Variants in HERC3 observed in about 807,000 individuals in gnomAD.
HERC3 encodes HECT and RLD domain containing E3 ubiquitin protein ligase 3.
A neutral mutation model predicts 129.9 loss-of-function variants in HERC3; 58 were observed. That is an observed-to-expected ratio of 0.45 (90% CI 0.36 to 0.56). The LOEUF is 0.56. Ranked by LOEUF, HERC3 falls within the 20% of genes least tolerant of loss-of-function variation. The pLI, the probability that HERC3 is intolerant of heterozygous loss-of-function variation, is 0.00. For synonymous variants in HERC3, 430 were observed against 451.0 expected (o/e 0.95, Z 0.59); for missense variants, 835 against 1,244.2 (o/e 0.67, Z 4.95).
intron 23 of HERC3, among the ~76,000 whole-genome samples, chr4:88,688,373 G>C (rs2149327713): frequency 6.6e-6 from 1 of 152,226 alleles, no homozygotes; most frequent in East Asian, 1.9e-4. Flanking sequence ...AGATTACTTT[G>C]GGGGTCCTGT....
chr4:88,686,621 G>C (rs1391972251), intron 21 of HERC3, 115 bp from the exon 22 acceptor site: 1 of 667,216 alleles, frequency 1.5e-6, no homozygotes, highest in African/African-American at 1.8e-5. Context: ...GTTTATTCCA[G>C]AATCTTCTTT....
chr4:88,666,553 ACT>A (rs1731066170), intron 12 of HERC3, among the ~76,000 whole-genome samples: 2 of 152,070 alleles, frequency 1.3e-5, no homozygotes, highest in Non-Finnish European at 2.9e-5. Context: ...AATGTTAGAA[ACT>A]CTTATGTTTT....
At chr4:88,598,309 G>A (rs1478219347) in intron 2 of HERC3, among the ~76,000 whole-genome samples, 1 of 152,144 alleles carries the variant, frequency 6.6e-6, no homozygotes, top group Non-Finnish European at 1.5e-5. Context: ...AGTAAAAAGA[G>A]ATTTATCTCC....
chr4:88,549,539 C>A, the HERC3 span, among the ~76,000 whole-genome samples: 1 of 152,002 alleles, frequency 6.6e-6, no homozygotes, highest in East Asian at 1.9e-4. Context: ...TGTTTTTTTC[C>A]CATGTATAAG....
intron 3 of HERC3, among the ~76,000 whole-genome samples, chr4:88,609,811 T>G (rs1240882488): frequency 6.6e-6 from 1 of 152,134 alleles, no homozygotes; most frequent in Non-Finnish European, 1.5e-5. Context: ...GAAAACAAAT[T>G]TATTAAGAAA....
chr4:88,701,752 G>GT (rs1053706336), intron 23 of HERC3, among the ~76,000 whole-genome samples: 6 of 148,914 alleles, frequency 4.0e-5, no homozygotes, highest in Non-Finnish European at 7.5e-5. Context: ...AATTTGATAT[G>GT]TTTTTTTTAT....
At chr4:88,545,183 C>T in the HERC3 span, among the ~76,000 whole-genome samples, 1 of 152,160 alleles carries the variant, frequency 6.6e-6, no homozygotes, top group African/African-American at 2.4e-5. Flanking sequence ...TGGTATAAAA[C>T]GTTTCTCTTT....
chr4:88,542,722 CA>C, the HERC3 span, among the ~76,000 whole-genome samples: 1 of 152,100 alleles, frequency 6.6e-6, no homozygotes, highest in Non-Finnish European at 1.5e-5. Flanking sequence ...AGCAGCACAG[CA>C]AAAAGCTTAT....
At chr4:88,613,972 C>G (rs1284818147) in intron 3 of HERC3, among the ~76,000 whole-genome samples, 4 of 151,608 alleles carry the variant, frequency 2.6e-5, no homozygotes, top group African/African-American at 7.3e-5. Context: ...TTTTTTCTGT[C>G]TGATACTCAG....
chr4:88,583,807 T>C, the HERC3 span: 1 of 152,200 alleles, frequency 6.6e-6, no homozygotes, highest in East Asian at 1.9e-4. Flanking sequence ...AAATAGACTT[T>C]GTCAGATTGG....
the HERC3 span, among the ~76,000 whole-genome samples, chr4:88,532,520 TAA>T: frequency 6.6e-6 from 1 of 152,212 alleles, no homozygotes; most frequent in Non-Finnish European, 1.5e-5. Context: ...TCCATTCACA[TAA>T]GTGAGTGCAG....
At chr4:88,700,664 C>G (rs1735238085) in intron 23 of HERC3, among the ~76,000 whole-genome samples, 1 of 151,814 alleles carries the variant, frequency 6.6e-6, no homozygotes, top group Admixed American at 6.6e-5. Flanking sequence ...TGTCAGTGTT[C>G]TCCAGAGAAA....
the HERC3 span, among the ~76,000 whole-genome samples, chr4:88,550,384 C>T: frequency 1.3e-5 from 2 of 152,100 alleles, no homozygotes; most frequent in African/African-American, 4.8e-5. Context: ...TCTAGAAAAC[C>T]CCATTGTCTC....
intron 12 of HERC3, 55 bp from the exon 13 acceptor site, chr4:88,667,322 A>G (rs774477749): frequency 4.5e-6 from 4 of 895,732 alleles, no homozygotes; most frequent in African/African-American, 1.7e-5. Context: ...TATAATTCCT[A>G]TCAGAGTGTT....
chr4:88,581,977 A>T, the HERC3 span, among the ~76,000 whole-genome samples: 1 of 152,162 alleles, frequency 6.6e-6, no homozygotes, highest in African/African-American at 2.4e-5. Flanking sequence ...TGGAATCATC[A>T]AGAGTTGCCC....
intron 2 of HERC3, among the ~76,000 whole-genome samples, chr4:88,603,581 G>A (rs1483917350): frequency 5.3e-5 from 8 of 152,144 alleles, no homozygotes; most frequent in Non-Finnish European, 7.3e-5. Flanking sequence ...GATTTCCCCC[G>A]TCTCCTTTCG....
At chr4:88,546,080 T>G in the HERC3 span, among the ~76,000 whole-genome samples, 1 of 152,172 alleles carries the variant, frequency 6.6e-6, no homozygotes, top group East Asian at 1.9e-4. Flanking sequence ...GTGTATTTTG[T>G]GTTTATGCTA....
chr4:88,573,462 A>G, the HERC3 span, among the ~76,000 whole-genome samples: 1 of 152,236 alleles, frequency 6.6e-6, no homozygotes. Context: ...GGACCCATGA[A>G]GCATGGACTG....
At chr4:88,667,286 A>T in intron 12 of HERC3, 91 bp from the exon 13 acceptor site, 1 of 588,100 alleles carries the variant, frequency 1.7e-6, no homozygotes, top group Non-Finnish European at 2.9e-6. Context: ...AAATCTGATT[A>T]CTAAGAACAC....
Sources: gnomAD v4.1 joint callset for allele counts (sites outside exome capture counted in the v4.1 genomes callset) on GRCh38, gnomAD v4.1.1 for gene constraint, MANE v1.5 for transcripts, NCBI Gene and HGNC (gene_info 2026-07-23, HGNC 2026-07-21) for gene names.